Variants in NDUFAF3 observed in about 807,000 individuals in gnomAD.
NDUFAF3 encodes the protein NADH dehydrogenase [ubiquinone] 1 alpha subcomplex assembly factor 3.
A neutral mutation model predicts 22.6 loss-of-function variants in NDUFAF3; 21 were observed. That is an observed-to-expected ratio of 0.93 (90% CI 0.66 to 1.34). The LOEUF (loss-of-function observed/expected upper bound fraction) is 1.34, where lower values mean the gene tolerates loss of function less well. Among genes scored for constraint, NDUFAF3 ranks in the 40% most tolerant of loss-of-function variants. The pLI is 0.00. For missense variants in NDUFAF3, 251 were observed against 248.4 expected (o/e 1.01, Z -0.07); for synonymous variants, 113 against 104.9 (o/e 1.08, Z -0.47).
rs199504381 is a variant in NDUFAF3 at position 49,022,459 on chromosome 3, A to C, written c.191A>C (p.Asn64Thr). Reference protein sequence around the residue: ...AAQAMYIDSYNSRGFMINGNR... With the variant: ...AAQAMYIDSYTSRGFMINGNR... Reference sequence around the variant, plus strand: ...CAGGCAATGTACATCGACAGCTACAACAGCCGCGGCTTCATGATAAACGGA... The same window carrying C: ...CAGGCAATGTACATCGACAGCTACACCAGCCGCGGCTTCATGATAAACGGA... Residue 64 changes from asparagine (N) to threonine (T), a missense_variant, in exon 2 of 5, where the codon AAC becomes ACC. By Grantham distance (65) the Asn-to-Thr change is moderately conservative. Coordinates refer to ENST00000326925, the MANE Select transcript of NDUFAF3 (RefSeq NM_199069.2). This position sits in a 1 kb window ranked among gnomAD's most constrained non-coding sequence, Gnocchi z 6.6. The C allele has an allele frequency of 1.4e-4, 228 of 1,612,636 alleles. No homozygotes were observed. Among genetic ancestry groups the C allele is most frequent in the Non-Finnish European group, 1.7e-4 (196 of 1,179,918 alleles).
Position 49,023,286 on chromosome 3 carries a change from C to T in NDUFAF3, c.*114C>T. 1 of 895,232 alleles carries T rather than the reference C, an allele frequency of 1.1e-6. No individual in the cohort carries two copies. The highest frequency in any genetic ancestry group is 1.3e-5 in the South Asian group (1 of 74,974). 55.5% of individuals were successfully genotyped at this position (895,232 alleles called of 1,614,324 possible). ...CAACATAATAATTTATACACTTCTCCCATTTTGTATCAGGTGTGTTGCTGG... is the reference window on the plus strand; with the variant it reads ...CAACATAATAATTTATACACTTCTCTCATTTTGTATCAGGTGTGTTGCTGG... On this transcript the variant is annotated 3_prime_UTR_variant, in exon 5 of 5. Coordinates refer to ENST00000326925, the MANE Select transcript of NDUFAF3 (RefSeq NM_199069.2).
Position 49,022,544 on chromosome 3 carries a change from TC to T in NDUFAF3, c.270+8del. 6.2e-7 allele frequency: 1 copy of T among 1,612,818 alleles called. No individual in the cohort carries two copies. Among genetic ancestry groups the T allele is most frequent in the East Asian group, 2.2e-5 (1 of 44,862 alleles). On this transcript the variant is annotated splice_region_variant and intron_variant, in intron 2 of 4. Coordinates refer to ENST00000326925, the MANE Select transcript of NDUFAF3 (RefSeq NM_199069.2). The surrounding 1 kb of genome is among the most constrained non-coding windows in gnomAD (Gnocchi z 6.6). ...ACTCGGTGGTGCAGTGGAACGTGAG[TC>T]CTGGCCCGCAGTGTGGAAACTGAGG...
At position 49,022,165 on chromosome 3, in the gene NDUFAF3, A is replaced by G. The variant is rs1335066299; in HGVS notation, c.21A>G (p.Leu7=). 9.9e-6 allele frequency: 16 copies of G among 1,610,124 alleles called. No homozygotes were observed. Among genetic ancestry groups the G allele is most frequent in the East Asian group, 2.2e-5 (1 of 44,850 alleles). The change falls in exon 1 of 5, where the codon CTA becomes CTG. Residue 7 remains leucine, a synonymous_variant. Transcript: ENST00000326925. This position sits in a 1 kb window ranked among gnomAD's most constrained non-coding sequence, Gnocchi z 6.6. MATALA[L]RSLYRARPSL... is the part of the protein sequence containing the mutation. ...CAGCCATGGCCACCGCTCTCGCGCT[A>G]CGTAGCTTGTACCGAGCGCGACCCT...
At position 49,022,149 on chromosome 3, in the gene NDUFAF3, C is replaced by A; in HGVS notation, c.5C>A (p.Ala2Asp). 1 of 1,608,730 alleles carries A rather than the reference C, an allele frequency of 6.2e-7. No homozygotes were observed. Residue 2 changes from alanine (A) to aspartate (D), a missense_variant, in exon 1 of 5, where the codon GCC (alanine) becomes GAC (aspartate). Ala to Asp is a moderately radical substitution (Grantham distance 126). Coordinates refer to ENST00000326925, the MANE Select transcript of NDUFAF3 (RefSeq NM_199069.2). This position sits in a 1 kb window ranked among gnomAD's most constrained non-coding sequence, Gnocchi z 6.6. The part of the protein sequence containing the change: M[A>D]TALALRSLYR... ...TTCGCCGCGCGTTGGTCAGCCATGG[C>A]CACCGCTCTCGCGCTACGTAGCTTG...
chr3:49,022,757 A>C lies in NDUFAF3; in HGVS notation c.326A>C (p.Glu109Ala), dbSNP rs1428089867. The C allele has an allele frequency of 6.2e-7, 1 of 1,613,790 alleles. No homozygotes were observed. Among genetic ancestry groups the C allele is most frequent in the Non-Finnish European group, 8.5e-7 (1 of 1,180,012 alleles). ...EDSFSLFWLLEPRIEIVVVGT... is the reference protein window; with the variant it reads ...EDSFSLFWLLAPRIEIVVVGT... ...AGCTTTTCCCTCTTCTGGTTGCTGG[A>C]GCCCCGGATAGGTACTGGGGAAGGG... Residue 109 changes from glutamate (E) to alanine (A), a missense_variant, in exon 3 of 5, where the codon GAG becomes GCG. By Grantham distance (107) the Glu-to-Ala change is moderately radical. Coordinates refer to ENST00000326925, the MANE Select transcript of NDUFAF3 (RefSeq NM_199069.2). This position sits in a 1 kb window ranked among gnomAD's most constrained non-coding sequence, Gnocchi z 6.6.
rs2093179919 is a variant in NDUFAF3, at chr3:49,023,234, C to T, written c.*62C>T. On this transcript the variant is annotated 3_prime_UTR_variant, in exon 5 of 5. Transcript: ENST00000326925. ...GGCTTCCCAATGCTTTCACTCTTAT[C>T]TACCCTTTGGCACTTATCTTGCTTA... The T allele has an allele frequency of 2.4e-6, 3 of 1,227,618 alleles. No individual in the cohort carries two copies. In the South Asian group the frequency reaches 3.6e-5, roughly 15 times the overall value. 76.0% of individuals were successfully genotyped at this position (1,227,618 alleles called of 1,614,324 possible). A position where few individuals can be genotyped will look rare whatever the true frequency, so the allele number is the denominator to read the frequency against.
Position 49,022,322 on chromosome 3 carries a change from G to A in NDUFAF3, c.78-24G>A, listed in dbSNP as rs770375246. 11 of 1,608,378 alleles carry A rather than the reference G, an allele frequency of 6.8e-6. No individual in the cohort carries two copies. Among genetic ancestry groups the A allele is most frequent in the Non-Finnish European group, 5.1e-6 (6 of 1,178,716 alleles). On this transcript the variant is annotated intron_variant, in intron 1 of 4. Transcript: ENST00000326925. The surrounding 1 kb of genome is among the most constrained non-coding windows in gnomAD (Gnocchi z 6.6). ...CTCGGGCTGCCCGGCCCGGCCCCGCGCCCCTGACCCTTTCCCTCCGCAGGG... is the reference window on the plus strand; with the variant it reads ...CTCGGGCTGCCCGGCCCGGCCCCGCACCCCTGACCCTTTCCCTCCGCAGGG...
rs200233990 is a variant in NDUFAF3, at chr3:49,022,732, A to T, written c.301A>T (p.Ser101Cys). 3 of 1,613,944 alleles carry T rather than the reference A, an allele frequency of 1.9e-6. No homozygotes were observed. The highest frequency in any genetic ancestry group is 1.3e-5 in the African/African-American group (1 of 74,898). The change falls in exon 3 of 5, where the codon AGC becomes TGC. Residue 101 changes from serine to cysteine, a missense_variant. Coordinates refer to ENST00000326925, the MANE Select transcript of NDUFAF3 (RefSeq NM_199069.2). The surrounding 1 kb of genome is among the most constrained non-coding windows in gnomAD (Gnocchi z 6.6). Reference protein sequence around the residue: ...VGSHQDITEDSFSLFWLLEPR... With the variant: ...VGSHQDITEDCFSLFWLLEPR... Reference sequence around the variant, plus strand: ...ATCCCACCAGGACATCACCGAAGACAGCTTTTCCCTCTTCTGGTTGCTGGA... The same window carrying T: ...ATCCCACCAGGACATCACCGAAGACTGCTTTTCCCTCTTCTGGTTGCTGGA...
At position 49,022,309 on chromosome 3, in the gene NDUFAF3, G is replaced by A; in HGVS notation, c.78-37G>A. Reference sequence around the variant, plus strand: ...CACCTTCCGGCCTCTCGGGCTGCCCGGCCCGGCCCCGCGCCCCTGACCCTT... The same window carrying A: ...CACCTTCCGGCCTCTCGGGCTGCCCAGCCCGGCCCCGCGCCCCTGACCCTT... On this transcript the variant is annotated intron_variant, in intron 1 of 4. Coordinates refer to ENST00000326925, the MANE Select transcript of NDUFAF3 (RefSeq NM_199069.2). This position sits in a 1 kb window ranked among gnomAD's most constrained non-coding sequence, Gnocchi z 6.6. The A allele has an allele frequency of 6.2e-7, 1 of 1,606,968 alleles. No individual in the cohort carries two copies. The highest frequency in any genetic ancestry group is 8.5e-7 in the Non-Finnish European group (1 of 1,178,086).
chr3:49,023,359 C>A lies in NDUFAF3; in HGVS notation c.*187C>A. ...GCTCTTGGAGGGGAATGTGAAGAAA[C>A]CAAGGAGTCACTTTTTCATCTAGAT... is the stretch of plus-strand genomic sequence containing the variant. On this transcript the variant is annotated 3_prime_UTR_variant, in exon 5 of 5. Coordinates refer to ENST00000326925, the MANE Select transcript of NDUFAF3 (RefSeq NM_199069.2). 1 of 651,678 alleles carries A rather than the reference C, an allele frequency of 1.5e-6. No homozygotes were observed. Among genetic ancestry groups the A allele is most frequent in the Non-Finnish European group, 2.8e-6 (1 of 359,436 alleles). 40.4% of individuals were successfully genotyped at this position (651,678 alleles called of 1,614,324 possible). A position where few individuals can be genotyped will look rare whatever the true frequency, so the allele number is the denominator to read the frequency against.
upstream of NDUFAF3, chr3:49,021,057 G>C (rs908751091): frequency 3.1e-5 from 5 of 159,988 alleles, no homozygotes; most frequent in African/African-American, 1.2e-4. The surrounding 1 kb of genome is among the most constrained non-coding windows in gnomAD (Gnocchi z 4.1). Flanking sequence ...GTCCACCTCG[G>C]GGACACCCCC....
chr3:49,022,040 C>G, upstream of NDUFAF3: 4 of 1,263,876 alleles, frequency 3.2e-6, no homozygotes, highest in Non-Finnish European at 4.4e-6. The surrounding 1 kb of genome is among the most constrained non-coding windows in gnomAD (Gnocchi z 6.6). Context: ...CGGTGCCCTC[C>G]GGGACGCAGG....
At chr3:49,020,748 C>T (rs765517699), upstream of NDUFAF3, 2 of 457,906 alleles carry the variant, frequency 4.4e-6, no homozygotes, top group Non-Finnish European at 9.1e-6. Context: ...CCAGGTCACT[C>T]GCCCTGGGGC....
Position 49,022,596 on chromosome 3 carries a change from C to T in NDUFAF3, c.270+58C>T. 1 of 1,613,142 alleles carries T rather than the reference C, an allele frequency of 6.2e-7. No individual in the cohort carries two copies. Among genetic ancestry groups the T allele is most frequent in the Admixed American group, 1.7e-5 (1 of 60,030 alleles). On this transcript the variant is annotated intron_variant, in intron 2 of 4. Transcript: ENST00000326925. The surrounding 1 kb of genome is among the most constrained non-coding windows in gnomAD (Gnocchi z 6.6). ...CCCAGAGTCACAGGCCCTCACCCTG[C>T]TTGGTCCCTGCAAACTTGGCTTTCC...
rs1292704244 is a variant in NDUFAF3, at chr3:49,023,039, T to A, written c.439-17T>A. ...GGCCTGGCGCTAGACAGGCTGATGC[T>A]GGCCTTTTCTTTGCAGCCCAATGCC... On this transcript the variant is annotated splice_polypyrimidine_tract_variant and intron_variant, in intron 4 of 4. Coordinates refer to ENST00000326925, the MANE Select transcript of NDUFAF3 (RefSeq NM_199069.2). 1.2e-6 allele frequency: 2 copies of A among 1,614,046 alleles called. No homozygotes were observed. Among genetic ancestry groups the A allele is most frequent in the East Asian group, 4.5e-5 (2 of 44,880 alleles).
chr3:49,022,680 A>G lies in NDUFAF3; in HGVS notation c.271-22A>G. ...GAGGCTGCGTGGATTTGTCGTATTA[A>G]ATGTGCCTCCTCCCTGCACAGGTGG... On this transcript the variant is annotated intron_variant, in intron 2 of 4. Transcript: ENST00000326925. The surrounding 1 kb of genome is among the most constrained non-coding windows in gnomAD (Gnocchi z 6.6). 1.2e-6 allele frequency: 2 copies of G among 1,613,914 alleles called. No homozygotes were observed. The highest frequency in any genetic ancestry group is 1.3e-5 in the African/African-American group (1 of 74,972).
At position 49,023,295 on chromosome 3, in the gene NDUFAF3, A is replaced by G. The variant is rs2093180287; in HGVS notation, c.*123A>G. On this transcript the variant is annotated 3_prime_UTR_variant, in exon 5 of 5. Transcript: ENST00000326925. ...AATTTATACACTTCTCCCATTTTGT[A>G]TCAGGTGTGTTGCTGGCCAGGAGCT... The G allele has an allele frequency of 1.2e-6, 1 of 862,988 alleles. No homozygotes were observed. Among genetic ancestry groups the G allele is most frequent in the Non-Finnish European group, 2.0e-6 (1 of 504,566 alleles). 53.5% of individuals were successfully genotyped at this position (862,988 alleles called of 1,614,324 possible).
At position 49,022,845 on chromosome 3, in the gene NDUFAF3, C is replaced by T; in HGVS notation, c.338-31C>T. 1 of 1,613,534 alleles carries T rather than the reference C, an allele frequency of 6.2e-7. No individual in the cohort carries two copies. On this transcript the variant is annotated intron_variant, in intron 3 of 4. Transcript: ENST00000326925. This position sits in a 1 kb window ranked among gnomAD's most constrained non-coding sequence, Gnocchi z 6.6. ...CCCCCACTGCAGCCTCTCAACAGAA[C>T]TGTAGACTAGCCACACCCACCCTTC...
In NDUFAF3 at chr3:49,022,608, A is replaced by C. The variant is rs1326082448; in HGVS notation, c.270+70A>C. ...GGCCCTCACCCTGCTTGGTCCCTGC[A>C]AACTTGGCTTTCCTCTGTCTCCTCC... On this transcript the variant is annotated intron_variant, in intron 2 of 4. Transcript: ENST00000326925. This position sits in a 1 kb window ranked among gnomAD's most constrained non-coding sequence, Gnocchi z 6.6. 5.6e-6 allele frequency: 9 copies of C among 1,613,258 alleles called. No individual in the cohort carries two copies. The highest frequency in any genetic ancestry group is 7.6e-6 in the Non-Finnish European group (9 of 1,179,638).
Sources: allele counts gnomAD v4.1 joint callset, GRCh38; gene constraint gnomAD v4.1.1; non-coding constraint Gnocchi (gnomAD v3.1); transcripts MANE v1.5; gene names NCBI Gene and HGNC (gene_info 2026-07-23, HGNC 2026-07-21).